Variants in AGAP1 observed in about 807,000 individuals in gnomAD.
AGAP1 encodes arf-GAP with GTPase, ANK repeat and PH domain-containing protein 1.
A neutral mutation model predicts 105.3 loss-of-function variants in AGAP1; 29 were observed. The ratio of observed to expected loss-of-function variants is 0.28; its 90% CI spans 0.21 to 0.38. The LOEUF is 0.38. Ranked by LOEUF, AGAP1 falls within the 10% of genes least tolerant of loss-of-function variation. AGAP1 has a pLI of 1.00. For missense variants in AGAP1, 998 were observed against 1,165.1 expected, an observed-to-expected ratio of 0.86 and a Z score of 2.09; for synonymous variants, 509 against 485.9, an observed-to-expected ratio of 1.05 and a Z score of -0.63.
chr2:235,776,780 A>C (rs1193850208), intron 6 of AGAP1, among the ~76,000 whole-genome samples: 1 of 152,138 alleles, frequency 6.6e-6, no homozygotes, highest in African/African-American at 2.4e-5. Context: ...CCCTTTCCTT[A>C]GCCTCAAAGC....
chr2:235,832,376 A>G (rs1038488306), intron 9 of AGAP1, among the ~76,000 whole-genome samples: 2 of 152,158 alleles, frequency 1.3e-5, no homozygotes, highest in Admixed American at 6.5e-5. Context: ...TGCCTGTAAC[A>G]TATCATTAGC....
chr2:236,053,055 G>A lies in AGAP1; in HGVS notation c.2114+3774G>A, dbSNP rs3754654. 0.21 allele frequency among the ~76,000 whole-genome samples: 32,229 copies of A among 152,070 alleles called. 3,689 individuals are homozygous for A. The highest frequency in any genetic ancestry group is 0.35 in the South Asian group (1,668 of 4,812). ...TAACACCCGGCTTGTGCGTGTGTGC[G>A]GTACCATAACGTAGCGTGTTGTAGG... On this transcript the variant is annotated intron_variant, in intron 16 of 17. Coordinates refer to ENST00000304032, the MANE Select transcript of AGAP1 (RefSeq NM_001037131.3). This position sits in a 1 kb window ranked among gnomAD's most constrained non-coding sequence, Gnocchi z 4.6.
At chr2:235,915,103 T>C (rs1456451638) in intron 11 of AGAP1, among the ~76,000 whole-genome samples, 1 of 152,122 alleles carries the variant, frequency 6.6e-6, no homozygotes, top group South Asian at 2.1e-4. Flanking sequence ...CCAGTCATTA[T>C]GGGCCATACA....
intron 9 of AGAP1, among the ~76,000 whole-genome samples, chr2:235,822,412 CA>C (rs1358132495): frequency 6.6e-6 from 1 of 151,558 alleles, no homozygotes; most frequent in Non-Finnish European, 1.5e-5. Flanking sequence ...TGGAGAAGCC[CA>C]GGGGTGAGGG....
chr2:235,937,294 G>C (rs1379244563), intron 12 of AGAP1, among the ~76,000 whole-genome samples: 1 of 152,220 alleles, frequency 6.6e-6, no homozygotes, highest in Non-Finnish European at 1.5e-5. Flanking sequence ...CTCGGAGCCT[G>C]CTTTCCTGTC....
chr2:235,968,323 C>A, intron 12 of AGAP1, 139 bp from the exon 13 acceptor site: 1 of 1,171,222 alleles, frequency 8.5e-7, no homozygotes, highest in Non-Finnish European at 1.2e-6. Flanking sequence ...TCCAACTCAG[C>A]AATACAGTAA....
intron 1 of AGAP1, among the ~76,000 whole-genome samples, chr2:235,677,296 C>T (rs180790006): frequency 6.6e-6 from 1 of 152,288 alleles, no homozygotes; most frequent in East Asian, 1.9e-4. Flanking sequence ...CCAGACAGCA[C>T]GCTTCCCTGG....
Position 235,879,024 on chromosome 2 carries a change from G to A in AGAP1, c.1051-4321G>A, listed in dbSNP as rs184913779. Among the ~76,000 whole-genome samples the A allele has an allele frequency of 6.6e-6, 1 of 152,186 alleles. No homozygotes were observed. The highest frequency in any genetic ancestry group is 1.5e-5 in the Non-Finnish European group (1 of 68,044). ...GGTTCTGCGTGGGGAGCAGGTCACC[G>A]CCCATCAGTAGGAACAGGAGACTTT... is the stretch of plus-strand genomic sequence containing the variant. On this transcript the variant is annotated intron_variant, in intron 9 of 17. Coordinates refer to ENST00000304032, the MANE Select transcript of AGAP1 (RefSeq NM_001037131.3). The surrounding 1 kb of genome is among the most constrained non-coding windows in gnomAD (Gnocchi z 5.0).
In AGAP1 at chr2:235,671,147, G is replaced by C. The variant is rs866063322; in HGVS notation, c.164-38032G>C. ...GCGGCTATGGGACCCGCCCTCCCGG[G>C]TCGGGAGCCTGCACGTGGCCTCGAG... On this transcript the variant is annotated intron_variant, in intron 1 of 17. Transcript: ENST00000304032. 160 of 1,218,658 alleles carry C rather than the reference G, an allele frequency of 1.3e-4. 2 individuals are homozygous for C. The highest frequency in any genetic ancestry group is 1.3e-3 in the Middle Eastern group (4 of 3,174). The allele number at this position is 1,218,658 out of a possible 1,614,324, so 75.5% of individuals were successfully genotyped here. A position where few individuals can be genotyped will look rare whatever the true frequency, so the allele number is the denominator to read the frequency against.
rs1559437943 is a variant in AGAP1, at chr2:235,753,043, C to T, written c.673+2555C>T. Among the ~76,000 whole-genome samples, 2 of 152,180 alleles carry T rather than the reference C, an allele frequency of 1.3e-5. No individual in the cohort carries two copies. Among genetic ancestry groups the T allele is most frequent in the African/African-American group, 4.8e-5 (2 of 41,450 alleles). On this transcript the variant is annotated intron_variant, in intron 6 of 17. Transcript: ENST00000304032. This position sits in a 1 kb window ranked among gnomAD's most constrained non-coding sequence, Gnocchi z 4.5. ...TCCCATAAAGGCACTTAACCCATCA[C>T]AGGGTTCCACCCTTGTGATCAGTCA...
intron 9 of AGAP1, among the ~76,000 whole-genome samples, chr2:235,809,323 GT>G (rs1394867413): frequency 6.6e-6 from 1 of 152,158 alleles, no homozygotes; most frequent in African/African-American, 2.4e-5. Context: ...GATTGTGAAT[GT>G]TCAAAGGAAT....
At position 235,663,002 on chromosome 2, in the gene AGAP1, G is replaced by A. The variant is rs1365379088; in HGVS notation, c.164-46177G>A. The stretch of plus-strand genomic sequence containing the variant: ...TGATGTGTTTTCCTTCAAGCCTGGG[G>A]AACACCGAGCTAGGGACACGCTGGC... On this transcript the variant is annotated intron_variant, in intron 1 of 17. Transcript: ENST00000304032. The surrounding 1 kb of genome is among the most constrained non-coding windows in gnomAD (Gnocchi z 5.4). Among the ~76,000 whole-genome samples the A allele has an allele frequency of 6.6e-6, 1 of 152,184 alleles. No homozygotes were observed. The highest frequency in any genetic ancestry group is 2.4e-5 in the African/African-American group (1 of 41,438).
intron 12 of AGAP1, among the ~76,000 whole-genome samples, chr2:235,949,688 T>C (rs1453002533): frequency 1.3e-5 from 2 of 152,194 alleles, no homozygotes; most frequent in Non-Finnish European, 2.9e-5. Context: ...TTAAAATCTT[T>C]CCATTTTCCA....
At chr2:235,636,115 GTAAA>G (rs10587179) in intron 1 of AGAP1, among the ~76,000 whole-genome samples, 18,190 of 143,978 alleles carry the variant, frequency 0.13, 1,326 homozygotes, top group East Asian at 0.29. Flanking sequence ...CTCTGTCTCA[GTAAA>G]TAAATAAATA....
chr2:235,820,769 C>T (rs551009809), intron 9 of AGAP1, among the ~76,000 whole-genome samples: 1 of 152,276 alleles, frequency 6.6e-6, no homozygotes, highest in Non-Finnish European at 1.5e-5. Context: ...TGAGGAACCA[C>T]GAGAAGCAGA....
rs1446619507 is a variant in AGAP1, at chr2:235,554,897, T to A, written c.163+60048T>A. Among the ~76,000 whole-genome samples the A allele has an allele frequency of 3.3e-5, 5 of 152,208 alleles. No individual in the cohort carries two copies. In the East Asian group the frequency reaches 7.7e-4, roughly 24 times the overall value. The stretch of plus-strand genomic sequence containing the variant: ...GTTGGCCAGGTTGGTCTCAAACTCC[T>A]GACCTTAGGTGATTCGCCTGCCTTG... On this transcript the variant is annotated intron_variant, in intron 1 of 17. Transcript: ENST00000304032.
chr2:235,656,381 T>A (rs888386197), intron 1 of AGAP1, among the ~76,000 whole-genome samples: 5 of 152,210 alleles, frequency 3.3e-5, no homozygotes, highest in African/African-American at 9.7e-5. Flanking sequence ...AGAATCAGTA[T>A]GTCAGTATGT....
rs567511732 is a variant in AGAP1 at position 235,690,165 on chromosome 2, A to C, written c.164-19014A>C. ...CCTACCTGAGGTACTGAGGGATCTC[A>C]CTTGCTACCTGCTTGGAGCCAGTCC... On this transcript the variant is annotated intron_variant, in intron 1 of 17. Transcript: ENST00000304032. The surrounding 1 kb of genome is among the most constrained non-coding windows in gnomAD (Gnocchi z 4.1). Among the ~76,000 whole-genome samples, 1 of 151,986 alleles carries C rather than the reference A, an allele frequency of 6.6e-6. No homozygotes were observed. The highest frequency in any genetic ancestry group is 2.4e-5 in the African/African-American group (1 of 41,442).
intron 13 of AGAP1, among the ~76,000 whole-genome samples, chr2:236,008,720 G>A (rs893503551): frequency 1.3e-5 from 2 of 152,186 alleles, no homozygotes; most frequent in African/African-American, 2.4e-5. Context: ...ACCTACGTTA[G>A]CCCACTATGT....
Sources: gnomAD v4.1 joint callset for allele counts (sites outside exome capture counted in the v4.1 genomes callset) on GRCh38, gnomAD v4.1.1 for gene constraint, Gnocchi (gnomAD v3.1) non-coding constraint, MANE v1.5 for transcripts, NCBI Gene and HGNC (gene_info 2026-07-23, HGNC 2026-07-21) for gene names.